The following PIWIL2 variants were observed in gnomAD, a reference collection of about 807,000 sequenced individuals.
PIWIL2 encodes piwi like RNA-mediated gene silencing 2, also known as piwi-like protein 2.
Under a neutral mutation model 116.5 loss-of-function variants are expected in PIWIL2, and 81 were observed. That is an observed-to-expected ratio of 0.70 (90% CI 0.58 to 0.84). The LOEUF (loss-of-function observed/expected upper bound fraction) is 0.84. Ranked by LOEUF, PIWIL2 falls within the 40% of genes least tolerant of loss-of-function variation. The pLI is 0.00. For missense variants in PIWIL2, 1,272 were observed against 1,212.3 expected, an observed-to-expected ratio of 1.05 and a Z score of -0.73; for synonymous variants, 489 against 429.5, an observed-to-expected ratio of 1.14 and a Z score of -1.71.
chr8:22,353,476 C>T lies in PIWIL2; in HGVS notation c.2657+264C>T, dbSNP rs1832419985. ...CCAGCCTGGCCAACATGGTGAAACCCTGTCTACTGTAAATAACAGAAATTA... is the reference window on the plus strand; with the variant it reads ...CCAGCCTGGCCAACATGGTGAAACCTTGTCTACTGTAAATAACAGAAATTA... On this transcript the variant is annotated intron_variant, in intron 21 of 22. Coordinates refer to ENST00000356766, the MANE Select transcript of PIWIL2 (RefSeq NM_018068.5). Among the ~76,000 whole-genome samples, 4 of 152,078 alleles carry T rather than the reference C, an allele frequency of 2.6e-5. No homozygotes were observed. In the South Asian group the frequency reaches 8.3e-4, roughly 32 times the overall value.
intron 20 of PIWIL2, among the ~76,000 whole-genome samples, chr8:22,325,656 G>A (rs1405188337): frequency 4.0e-5 from 6 of 151,678 alleles, no homozygotes; most frequent in African/African-American, 1.5e-4. Context: ...GCTAATTTTT[G>A]TATTTTTAGT....
intron 7 of PIWIL2, 83 bp from the exon 8 acceptor site, chr8:22,288,459 G>T: frequency 8.9e-7 from 1 of 1,125,656 alleles, no homozygotes; most frequent in Non-Finnish European, 1.3e-6. Context: ...GTGTTCTTAA[G>T]AACACAGTTG....
intron 21 of PIWIL2, among the ~76,000 whole-genome samples, chr8:22,353,545 G>C (rs1390989250): frequency 1.3e-5 from 2 of 152,070 alleles, no homozygotes; most frequent in Non-Finnish European, 2.9e-5. Flanking sequence ...CTACTCGGGA[G>C]GCTGAGACAG....
intron 2 of PIWIL2, among the ~76,000 whole-genome samples, chr8:22,280,691 G>A (rs1349782056): frequency 6.6e-6 from 1 of 152,170 alleles, no homozygotes; most frequent in Non-Finnish European, 1.5e-5. Flanking sequence ...ACTCATAAAT[G>A]ATCCAGCTTT....
intron 13 of PIWIL2, among the ~76,000 whole-genome samples, chr8:22,306,248 A>T (rs1563377773): frequency 1.3e-5 from 2 of 152,194 alleles, no homozygotes; most frequent in Non-Finnish European, 2.9e-5. Context: ...GGTCGTTAGA[A>T]CAGTAGAGGG....
chr8:22,357,106 T>C lies in PIWIL2; in HGVS notation c.*1601T>C, dbSNP rs1427205530. The C allele has an allele frequency of 6.6e-6, 1 of 152,170 alleles. No homozygotes were observed. The highest frequency in any genetic ancestry group is 1.5e-5 in the Non-Finnish European group (1 of 68,028). The allele number at this position is 152,170 out of a possible 1,614,324, so 9.4% of individuals were successfully genotyped here. A position where few individuals can be genotyped will look rare whatever the true frequency, so the allele number is the denominator to read the frequency against. On this transcript the variant is annotated 3_prime_UTR_variant, in exon 23 of 23. Coordinates refer to ENST00000356766, the MANE Select transcript of PIWIL2 (RefSeq NM_018068.5). ...AATGTGCTCACTTCAGCAGCACATATACTAAAATTAAAATGATATAGAGAA... is the reference window on the plus strand; with the variant it reads ...AATGTGCTCACTTCAGCAGCACATACACTAAAATTAAAATGATATAGAGAA...
chr8:22,315,230 C>T (rs1329826717), intron 18 of PIWIL2, 85 bp downstream of exon 18: 1 of 770,544 alleles, frequency 1.3e-6, no homozygotes, highest in Non-Finnish European at 2.3e-6. Flanking sequence ...GTTATGCTTC[C>T]TCTTCTCAAC....
chr8:22,336,532 T>G (rs562343779), intron 20 of PIWIL2, among the ~76,000 whole-genome samples: 1 of 152,100 alleles, frequency 6.6e-6, no homozygotes, highest in South Asian at 2.1e-4. Flanking sequence ...AAGAAGAATC[T>G]AAAAACAAAC....
At chr8:22,315,222 T>C (rs1831429553) in intron 18 of PIWIL2, 77 bp downstream of exon 18, 1 of 826,500 alleles carries the variant, frequency 1.2e-6, no homozygotes, top group Non-Finnish European at 2.1e-6. Flanking sequence ...CCTTATTCGT[T>C]ATGCTTCCTC....
In PIWIL2 at chr8:22,308,063, A is replaced by G; in HGVS notation, c.1676A>G (p.Asp559Gly). The G allele has an allele frequency of 1.2e-6, 2 of 1,613,850 alleles. No homozygotes were observed. The highest frequency in any genetic ancestry group is 1.3e-5 in the African/African-American group (1 of 75,064). Residue 559 changes from aspartate (D) to glycine (G), a missense_variant, in exon 14 of 23, where the codon GAT becomes GGT. Coordinates refer to ENST00000356766, the MANE Select transcript of PIWIL2 (RefSeq NM_018068.5). ...LMRWGLRLQK[D>G]VHKIEGRVLP... ...CGTTGGGGGCTCCGTCTGCAAAAGG[A>G]TGTACATAAGGTAAACCAAAAAACG...
Position 22,279,428 on chromosome 8 carries a change from C to A in PIWIL2, c.42C>A (p.Ile14=). The A allele has an allele frequency of 6.2e-7, 1 of 1,614,164 alleles. No homozygotes were observed. Among genetic ancestry groups the A allele is most frequent in the African/African-American group, 1.3e-5 (1 of 75,052 alleles). The change falls in exon 2 of 23, where the codon ATC becomes ATA. Residue 14 remains isoleucine, a synonymous_variant. Coordinates refer to ENST00000356766, the MANE Select transcript of PIWIL2 (RefSeq NM_018068.5). ...FRPSFRGQSP[I]HPSQCQAVRM... is the part of the protein sequence containing the mutation. ...CATCGTTCAGGGGCCAGTCTCCTAT[C>A]CACCCATCCCAGTGCCAGGCTGTAC...
intron 10 of PIWIL2, among the ~76,000 whole-genome samples, chr8:22,300,048 T>C (rs1169207754): frequency 1.3e-5 from 2 of 152,094 alleles, no homozygotes; most frequent in African/African-American, 4.8e-5. Context: ...CAGGTGATTC[T>C]CCTGCCTAGC....
intron 19 of PIWIL2, among the ~76,000 whole-genome samples, chr8:22,316,849 A>G (rs916939278): frequency 2.0e-5 from 3 of 150,702 alleles, no homozygotes; most frequent in Non-Finnish European, 4.4e-5. Flanking sequence ...GTGCAGTGGC[A>G]TGATCACAGC....
At chr8:22,347,239 G>C (rs902053015) in intron 20 of PIWIL2, among the ~76,000 whole-genome samples, 10 of 144,108 alleles carry the variant, frequency 6.9e-5, no homozygotes, top group Non-Finnish European at 1.5e-4. Flanking sequence ...TTGAGACAGA[G>C]TCTCACTCTG....
chr8:22,339,248 C>T (rs533943425), intron 20 of PIWIL2, among the ~76,000 whole-genome samples: 155 of 152,260 alleles, frequency 1.0e-3, no homozygotes, highest in African/African-American at 3.5e-3. Flanking sequence ...TGGCTCATGC[C>T]TGTAATCCCA....
Position 22,310,003 on chromosome 8 carries a change from A to G in PIWIL2, c.1729A>G (p.Asn577Asp), listed in dbSNP as rs746924462. ...VLPMERINLKNTSFITSQELN... is the reference protein window; with the variant it reads ...VLPMERINLKDTSFITSQELN... ...GCCAATGGAAAGAATTAACTTAAAAAATACTTCGTTTATCACATCTCAGGA... is the reference window on the plus strand; with the variant it reads ...GCCAATGGAAAGAATTAACTTAAAAGATACTTCGTTTATCACATCTCAGGA... Residue 577 changes from asparagine (N) to aspartate (D), a missense_variant, in exon 15 of 23, where the codon AAT becomes GAT. By Grantham distance (23) the Asn-to-Asp change is conservative (BLOSUM62 1). Transcript: ENST00000356766. 6 of 1,611,976 alleles carry G rather than the reference A, an allele frequency of 3.7e-6. No individual in the cohort carries two copies. The highest frequency in any genetic ancestry group is 5.1e-6 in the Non-Finnish European group (6 of 1,178,036).
intron 20 of PIWIL2, among the ~76,000 whole-genome samples, chr8:22,331,070 G>C (rs1344658285): frequency 6.6e-6 from 1 of 152,148 alleles, no homozygotes; most frequent in Non-Finnish European, 1.5e-5. Context: ...CAGCTACTAA[G>C]GAGGCTGAGG....
rs780710413 is a variant in PIWIL2 at position 22,283,061 on chromosome 8, G to A, written c.453G>A (p.Ala151=). ...CGCTTGGAAGAGGGAGTTCAGATGCGTCTTTATTACCACTGGGAAGAGCAG... is the reference window on the plus strand; with the variant it reads ...CGCTTGGAAGAGGGAGTTCAGATGCATCTTTATTACCACTGGGAAGAGCAG... ...SRTLGRGSSD[A]SLLPLGRAAG... The change falls in exon 5 of 23, where the codon GCG becomes GCA. Residue 151 remains alanine (A), a synonymous_variant. Coordinates refer to ENST00000356766, the MANE Select transcript of PIWIL2 (RefSeq NM_018068.5). The A allele has an allele frequency of 1.7e-5, 28 of 1,614,016 alleles. No individual in the cohort carries two copies. The highest frequency in any genetic ancestry group is 8.9e-5 in the East Asian group (4 of 44,902).
At chr8:22,277,981 C>T (rs1444761201) in intron 1 of PIWIL2, among the ~76,000 whole-genome samples, 1 of 151,790 alleles carries the variant, frequency 6.6e-6, no homozygotes, top group Admixed American at 6.6e-5. Context: ...CCAGCCTGAC[C>T]AACATAGAGA....
Sources: allele counts gnomAD v4.1 joint callset (sites outside exome capture counted in the v4.1 genomes callset), GRCh38; gene constraint gnomAD v4.1.1; transcripts MANE v1.5; gene names NCBI Gene and HGNC (gene_info 2026-07-23, HGNC 2026-07-21).